The following AQR variants were observed in gnomAD, a reference collection of about 807,000 sequenced individuals.
AQR encodes RNA helicase aquarius.
Under a neutral mutation model 180.5 loss-of-function variants are expected in AQR, and 61 were observed. The observed-to-expected ratio is 0.34, with a 90% confidence interval of 0.28 to 0.42. The LOEUF (loss-of-function observed/expected upper bound fraction) is 0.42. AQR is among the 10% of genes least tolerant of loss of function. AQR has a pLI of 1.00. For synonymous variants in AQR, 551 were observed against 588.8 expected (o/e 0.94, Z 0.93); for missense variants, 1,281 against 1,798.3 (o/e 0.71, Z 5.20).
chr15:34,927,274 T>C (rs1893779335), intron 12 of AQR, 136 bp from the exon 13 acceptor site: 3 of 411,680 alleles, frequency 7.3e-6, no homozygotes, highest in Non-Finnish European at 1.3e-5. Flanking sequence ...ATGTGACCTC[T>C]ACCTTAATCA....
intron 1 of AQR, among the ~76,000 whole-genome samples, chr15:34,968,381 T>C (rs549044361): frequency 2.0e-5 from 3 of 151,430 alleles, no homozygotes; most frequent in African/African-American, 7.3e-5. Flanking sequence ...GCCTCCCGAG[T>C]AGCTGGGACC....
At chr15:34,969,518 A>G (rs758966338) in intron 1 of AQR, 21 bp downstream of exon 1, 1 of 1,612,938 alleles carries the variant, frequency 6.2e-7, no homozygotes, top group South Asian at 1.1e-5. Context: ...ACTCACACAC[A>G]CCAGACTCGC....
chr15:34,897,901 A>T (rs1893273460), intron 20 of AQR, among the ~76,000 whole-genome samples, 196 bp from the exon 21 acceptor site: 1 of 152,238 alleles, frequency 6.6e-6, no homozygotes, highest in Non-Finnish European at 1.5e-5. Context: ...TCAAATTTAA[A>T]AAAGTCACCC....
chr15:34,886,560 G>A lies in AQR; in HGVS notation c.2783C>T (p.Thr928Ile), dbSNP rs756169477. ...SLGVPGDASY[T>I]CETAGYFFLY... Reference sequence around the variant, plus strand: ...GAAGAAATAGCCTGCAGTTTCACAGGTATATGAGGCATCTCCTGGAACCCC... The same window carrying A: ...GAAGAAATAGCCTGCAGTTTCACAGATATATGAGGCATCTCCTGGAACCCC... Residue 928 changes from threonine to isoleucine, a missense_variant, in exon 25 of 35, where the codon ACC becomes ATC. By Grantham distance (89) the Thr-to-Ile change is moderately conservative. Transcript: ENST00000156471. 7 of 1,613,040 alleles carry A rather than the reference G, an allele frequency of 4.3e-6. No individual in the cohort carries two copies.
At chr15:34,965,098 G>A (rs929168414) in intron 1 of AQR, among the ~76,000 whole-genome samples, 1 of 152,142 alleles carries the variant, frequency 6.6e-6, no homozygotes, top group African/African-American at 2.4e-5. Context: ...ACTTCTGTGA[G>A]GCTGTCCTCA....
chr15:34,900,681 G>A lies in AQR; in HGVS notation c.2184C>T (p.Phe728=), dbSNP rs1893318399. 1 of 1,614,142 alleles carries A rather than the reference G, an allele frequency of 6.2e-7. No individual in the cohort carries two copies. Among genetic ancestry groups the A allele is most frequent in the Non-Finnish European group, 8.5e-7 (1 of 1,180,018 alleles). The change falls in exon 20 of 35, where the codon TTC becomes TTT. Residue 728 remains phenylalanine, a synonymous_variant. Coordinates refer to ENST00000156471, the MANE Select transcript of AQR (RefSeq NM_014691.3). The part of the protein sequence containing the change: ...FLSIEHLKAS[F]PGHNVKVTVE... ...CAGTTACTTTAACATTATGACCAGG[G>A]AAGCTGGCTTTTAAATGCTCAATGG...
intron 8 of AQR, among the ~76,000 whole-genome samples, chr15:34,940,614 A>G (rs917952252): frequency 6.6e-6 from 1 of 152,134 alleles, no homozygotes; most frequent in Non-Finnish European, 1.5e-5. Flanking sequence ...AAAATTGAGA[A>G]CCATCCATGA....
chr15:34,882,401 A>G, intron 27 of AQR, 101 bp downstream of exon 27: 1 of 1,242,412 alleles, frequency 8.0e-7, no homozygotes, highest in Non-Finnish European at 1.1e-6. Flanking sequence ...CACTTATAAA[A>G]GAAACATTTT....
Position 34,904,509 on chromosome 15 carries a change from G to A in AQR, c.1832-4C>T, listed in dbSNP as rs199755473. ...AGATTGGGTCTGGGTTCAGGTCCTG[G>A]ACAATTTGAAAAAGTTTGTTAAATA... On this transcript the variant is annotated splice_region_variant and splice_polypyrimidine_tract_variant and intron_variant, in intron 18 of 34. Transcript: ENST00000156471. 3 of 1,590,638 alleles carry A rather than the reference G, an allele frequency of 1.9e-6. No homozygotes were observed. In the South Asian group the frequency reaches 3.5e-5, roughly 19 times the overall value.
In AQR at chr15:34,948,369, AT is replaced by A; in HGVS notation, c.224del (p.Asn75IlefsTer5). 2 of 1,612,658 alleles carry A rather than the reference AT, an allele frequency of 1.2e-6. No homozygotes were observed. Among genetic ancestry groups the A allele is most frequent in the Non-Finnish European group, 1.7e-6 (2 of 1,179,874 alleles). On this transcript the variant is annotated frameshift_variant, in exon 5 of 35. Transcript: ENST00000156471. LOFTEE classifies it high-confidence loss of function. ...MLLEFSQYLE[N>X]YLWMNYSPEV... ...CAGGAGAATAATTCATCCAGAGATA[AT>A]TTTCAAGATACTGGCTGTAAAGAGT... is the stretch of plus-strand genomic sequence containing the variant.
intron 3 of AQR, among the ~76,000 whole-genome samples, chr15:34,954,311 C>CTT (rs891208030): frequency 6.8e-6 from 1 of 147,328 alleles, no homozygotes. Context: ...AAAAATAAGT[C>CTT]TTTTTTTTTT....
At chr15:34,954,488 G>A (rs1438540453) in intron 3 of AQR, among the ~76,000 whole-genome samples, 1 of 151,808 alleles carries the variant, frequency 6.6e-6, no homozygotes, top group Admixed American at 6.6e-5. Context: ...TTGATTTTTA[G>A]TAGAGATGAA....
chr15:34,936,631 A>G (rs1893949099), intron 9 of AQR, among the ~76,000 whole-genome samples: 1 of 151,854 alleles, frequency 6.6e-6, no homozygotes. Flanking sequence ...CAGGAGAATC[A>G]CTTGGACCCA....
chr15:34,889,940 T>C (rs1893118110), intron 24 of AQR, among the ~76,000 whole-genome samples: 1 of 152,124 alleles, frequency 6.6e-6, no homozygotes, highest in South Asian at 2.1e-4. Flanking sequence ...CCTCAATAAA[T>C]AGAAAGCAAA....
At chr15:34,945,519 A>T (rs1023138604) in intron 5 of AQR, among the ~76,000 whole-genome samples, 13 of 152,326 alleles carry the variant, frequency 8.5e-5, no homozygotes, top group African/African-American at 1.4e-4. Context: ...AGTGATCTTT[A>T]TAACAGGTAA....
chr15:34,887,827 A>G (rs1566982666), intron 24 of AQR, among the ~76,000 whole-genome samples: 1 of 152,252 alleles, frequency 6.6e-6, no homozygotes, highest in East Asian at 1.9e-4. Flanking sequence ...AACATGATCT[A>G]TGCTTGAAGA....
chr15:34,914,684 C>G (rs911102863), intron 16 of AQR, among the ~76,000 whole-genome samples: 2 of 152,164 alleles, frequency 1.3e-5, no homozygotes, highest in East Asian at 1.9e-4. Flanking sequence ...TTAAACTGTT[C>G]TGACCTAGTA....
At chr15:34,882,669 T>A (rs746103072) in intron 26 of AQR, 30 bp from the exon 27 acceptor site, 28 of 1,586,052 alleles carry the variant, frequency 1.8e-5, no homozygotes, top group Non-Finnish European at 2.2e-5. Flanking sequence ...TGAAAGATAA[T>A]TTTAGGAAAA....
chr15:34,856,917 TG>T lies in AQR; in HGVS notation c.4332del (p.Thr1445LeufsTer18). 1 of 1,614,076 alleles carries T rather than the reference TG, an allele frequency of 6.2e-7. No individual in the cohort carries two copies. Among genetic ancestry groups the T allele is most frequent in the East Asian group, 2.2e-5 (1 of 44,870 alleles). On this transcript the variant is annotated frameshift_variant, in exon 35 of 35. Coordinates refer to ENST00000156471, the MANE Select transcript of AQR (RefSeq NM_014691.3). LOFTEE classifies it low-confidence loss of function (END_TRUNC). ...QTDTTPSETG[A>X]TSTPEAIPAL... ...GCAGGGATGGCTTCTGGAGTGGAAGTGGCTCCTGTCTCACTGGGGGTGGTGT... is the reference window on the plus strand; with the variant it reads ...GCAGGGATGGCTTCTGGAGTGGAAGTGCTCCTGTCTCACTGGGGGTGGTGT...
Sources: gnomAD v4.1 joint callset for allele counts (sites outside exome capture counted in the v4.1 genomes callset) on GRCh38, gnomAD v4.1.1 for gene constraint, MANE v1.5 for transcripts, NCBI Gene and HGNC (gene_info 2026-07-23, HGNC 2026-07-21) for gene names.